Variants in PDLIM5 observed in about 807,000 individuals in gnomAD.
PDLIM5 encodes the protein PDZ and LIM domain protein 5.
PDLIM5 carries 34 observed loss-of-function variants against 64.2 expected under a neutral mutation model. The ratio of observed to expected loss-of-function variants is 0.53; its 90% confidence interval spans 0.40 to 0.71. PDLIM5 has a LOEUF of 0.71. Among genes scored for constraint, PDLIM5 ranks in the 30% least tolerant of loss-of-function variants. The pLI is 0.00. For missense variants in PDLIM5, 683 were observed against 733.6 expected, an observed-to-expected ratio of 0.93 and a Z score of 0.80; for synonymous variants, 253 against 269.1, an observed-to-expected ratio of 0.94 and a Z score of 0.59.
chr4:94,479,330 C>CTTTT (rs34176254), intron 2 of PDLIM5, among the ~76,000 whole-genome samples: 2 of 130,980 alleles, frequency 1.5e-5, no homozygotes, highest in African/African-American at 2.9e-5. Context: ...AGCTTTGAGA[C>CTTTT]TTTTTTTTTT....
chr4:94,576,131 T>C, intron 5 of PDLIM5, 97 bp downstream of exon 5: 3 of 1,009,882 alleles, frequency 3.0e-6, no homozygotes, highest in Non-Finnish European at 4.4e-6. Context: ...ACCAACTTTC[T>C]TTGAAGGAAG....
intron 3 of PDLIM5, among the ~76,000 whole-genome samples, chr4:94,534,137 G>C (rs573807973): frequency 6.6e-6 from 1 of 152,098 alleles, no homozygotes; most frequent in Non-Finnish European, 1.5e-5. Flanking sequence ...CTAACTCCTC[G>C]TGTTCATCTT....
At chr4:94,530,729 C>G (rs1402221458) in intron 3 of PDLIM5, among the ~76,000 whole-genome samples, 2 of 152,094 alleles carry the variant, frequency 1.3e-5, no homozygotes, top group African/African-American at 4.8e-5. Context: ...CCTTCCCCTT[C>G]TTCTTCATCC....
At chr4:94,578,982 A>G (rs1735512545) in intron 5 of PDLIM5, among the ~76,000 whole-genome samples, 1 of 152,066 alleles carries the variant, frequency 6.6e-6, no homozygotes. Flanking sequence ...GCAAATTTAT[A>G]TAGCATTGAT....
At position 94,567,080 on chromosome 4, in the gene PDLIM5, G is replaced by A. The variant is rs767263138; in HGVS notation, c.249-6271G>A. 3.3e-5 allele frequency among the ~76,000 whole-genome samples: 5 copies of A among 152,186 alleles called. No homozygotes were observed. In the East Asian group the frequency reaches 5.8e-4, roughly 18 times the overall value. ...ACAACCTCGGCTCACTGCAAGCTCC[G>A]CCTCCCGGTTCACGCTGTTCTCCTG... On this transcript the variant is annotated intron_variant, in intron 3 of 12. Transcript: ENST00000317968.
At chr4:94,485,466 A>G (rs2510803) in intron 2 of PDLIM5, among the ~76,000 whole-genome samples, 2 of 152,192 alleles carry the variant, frequency 1.3e-5, no homozygotes, top group African/African-American at 4.8e-5. Flanking sequence ...CCAATGTAAT[A>G]TATATGTAGT....
intron 7 of PDLIM5, among the ~76,000 whole-genome samples, chr4:94,601,563 T>A (rs1737500773): frequency 6.6e-6 from 1 of 152,234 alleles, no homozygotes; most frequent in African/African-American, 2.4e-5. Context: ...AGTCCTTCTT[T>A]GCTCTTACAA....
At chr4:94,588,180 TATTACAGTA>T (rs1302699157) in intron 7 of PDLIM5, 34 of 966,128 alleles carry the variant, frequency 3.5e-5, no homozygotes, top group Non-Finnish European at 3.8e-5. Context: ...ATCCAGGACT[TATTACAGTA>T]TAACTGGGTA....
Position 94,662,257 on chromosome 4 carries a change from C to G in PDLIM5, c.1586-165C>G. ...GGGAATCCTGAAACATGCTAAACAT[C>G]TCTCTCAAGCCAAATGTTATGCCAT... On this transcript the variant is annotated intron_variant, in intron 11 of 12. Transcript: ENST00000317968. Among the ~76,000 whole-genome samples the G allele has an allele frequency of 1.3e-5, 2 of 152,112 alleles. 1 individual carries two copies. Among genetic ancestry groups the G allele is most frequent in the Non-Finnish European group, 2.9e-5 (2 of 68,022 alleles).
chr4:94,569,944 C>G (rs1320924502), intron 3 of PDLIM5, among the ~76,000 whole-genome samples: 1 of 152,058 alleles, frequency 6.6e-6, no homozygotes, highest in East Asian at 1.9e-4. Flanking sequence ...TTATTTTCTT[C>G]CTTTCTTCCA....
intron 3 of PDLIM5, among the ~76,000 whole-genome samples, chr4:94,548,686 T>C (rs1732531765): frequency 6.6e-6 from 1 of 152,184 alleles, no homozygotes; most frequent in South Asian, 2.1e-4. Context: ...TATTCTACTT[T>C]AAAAACATGT....
At chr4:94,610,406 T>C in intron 7 of PDLIM5, 1 of 583,304 alleles carries the variant, frequency 1.7e-6, no homozygotes, top group Non-Finnish European at 2.8e-6. Context: ...CAATCATAGC[T>C]CTATTGTGAG....
Position 94,587,000 on chromosome 4 carries a change from C to A in PDLIM5, c.920+556C>A, listed in dbSNP as rs368434732. The A allele has an allele frequency of 4.4e-6, 7 of 1,589,176 alleles. No homozygotes were observed. The African/African-American group carries it at 8.3e-5, about 19-fold the overall frequency. The stretch of plus-strand genomic sequence containing the variant: ...TTGTATTTCCACAGGGAAAAGATAC[C>A]CCTTCACGTCTTTAGTCCCAAATAC... On this transcript the variant is annotated intron_variant, in intron 7 of 12. Coordinates refer to ENST00000317968, the MANE Select transcript of PDLIM5 (RefSeq NM_006457.5).
intron 9 of PDLIM5, among the ~76,000 whole-genome samples, chr4:94,652,626 C>T (rs557706553): frequency 1.3e-5 from 2 of 152,178 alleles, no homozygotes; most frequent in East Asian, 1.9e-4. Flanking sequence ...GTAATATATT[C>T]GATTACAGAA....
At chr4:94,511,351 G>A (rs1053062587) in intron 2 of PDLIM5, among the ~76,000 whole-genome samples, 1 of 151,978 alleles carries the variant, frequency 6.6e-6, no homozygotes, top group Non-Finnish European at 1.5e-5. Flanking sequence ...TACATGGTAG[G>A]TGTATATATT....
chr4:94,528,869 A>G (rs1730608336), intron 3 of PDLIM5, among the ~76,000 whole-genome samples: 1 of 152,182 alleles, frequency 6.6e-6, no homozygotes, highest in South Asian at 2.1e-4. Flanking sequence ...TAACCTTCTC[A>G]CTGTGGCTTT....
chr4:94,500,325 G>GAA (rs1376413775), intron 2 of PDLIM5, among the ~76,000 whole-genome samples: 3 of 152,132 alleles, frequency 2.0e-5, no homozygotes, highest in Non-Finnish European at 4.4e-5. Flanking sequence ...AAGAATTTTT[G>GAA]AAAAGCTGTG....
chr4:94,560,063 C>A (rs1276078334), intron 3 of PDLIM5, among the ~76,000 whole-genome samples: 2 of 152,162 alleles, frequency 1.3e-5, no homozygotes, highest in Admixed American at 1.3e-4. Context: ...GGTTTAGAAG[C>A]ATCCAAGGTC....
intron 4 of PDLIM5, among the ~76,000 whole-genome samples, chr4:94,575,281 A>G (rs1233131273): frequency 6.6e-6 from 1 of 151,858 alleles, no homozygotes; most frequent in Non-Finnish European, 1.5e-5. Flanking sequence ...GTATTTAAAC[A>G]TTTTTCCTTT....
Sources: allele counts gnomAD v4.1 joint callset (sites outside exome capture counted in the v4.1 genomes callset), GRCh38; gene constraint gnomAD v4.1.1; transcripts MANE v1.5; gene names NCBI Gene and HGNC (gene_info 2026-07-23, HGNC 2026-07-21).